The following SLC38A1 variants were observed in gnomAD, a reference collection of about 807,000 sequenced individuals.
SLC38A1 encodes the protein solute carrier family 38 member 1, also known as sodium-coupled neutral amino acid symporter 1.
In SLC38A1, 18 loss-of-function variants were observed where a neutral mutation model predicts 60.3. The observed-to-expected ratio is 0.30, with a 90% CI of 0.21 to 0.44. The LOEUF (loss-of-function observed/expected upper bound fraction) is 0.44, where lower values mean the gene tolerates loss of function less well. Ranked by LOEUF, SLC38A1 falls within the 20% of genes least tolerant of loss-of-function variation. The probability of loss-of-function intolerance (pLI) is 1.00; values close to 1 mark genes in which losing one functional copy is unlikely to be tolerated. For synonymous variants in SLC38A1, 196 were observed against 212.1 expected (o/e 0.92, Z 0.66); for missense variants, 448 against 587.2 (o/e 0.76, Z 2.45).
At chr12:46,202,617 A>G (rs965999374) in intron 12 of SLC38A1, among the ~76,000 whole-genome samples, 1 of 152,244 alleles carries the variant, frequency 6.6e-6, no homozygotes, top group African/African-American at 2.4e-5. Context: ...ACCCACAGGC[A>G]AATCAGAGAC....
intron 1 of SLC38A1, among the ~76,000 whole-genome samples, chr12:46,245,475 G>A (rs1941583762): frequency 6.6e-6 from 1 of 152,218 alleles, no homozygotes; most frequent in African/African-American, 2.4e-5. Flanking sequence ...GTGTTGGCAA[G>A]GGTATGGAGA....
In SLC38A1 at chr12:46,197,947, G is replaced by A; in HGVS notation, c.1236C>T (p.Pro412=). The A allele has an allele frequency of 1.2e-6, 2 of 1,614,040 alleles. No homozygotes were observed. Among genetic ancestry groups the A allele is most frequent in the Non-Finnish European group, 1.7e-6 (2 of 1,179,958 alleles). ...CGACTCCAAAAATATCCTTCATGGA[G>A]GGTATGAAGATCACCAACAAGTTGA... ...VVINLLVIFI[P]SMKDIFGVVG... is the part of the protein sequence containing the mutation. The change falls in exon 15 of 17, where the codon CCC becomes CCT. Residue 412 remains proline (P), a synonymous_variant. Transcript: ENST00000398637.
chr12:46,192,328 G>A (rs955183010), intron 16 of SLC38A1, among the ~76,000 whole-genome samples: 5 of 152,156 alleles, frequency 3.3e-5, no homozygotes, highest in African/African-American at 1.2e-4. Context: ...TGCTGGATTT[G>A]GTTTGCCAGT....
intron 1 of SLC38A1, among the ~76,000 whole-genome samples, chr12:46,264,187 C>G (rs1276101229): frequency 6.6e-6 from 1 of 152,332 alleles, no homozygotes; most frequent in Non-Finnish European, 1.5e-5. Flanking sequence ...TGCTTAATGC[C>G]AGATGACTAT....
intron 14 of SLC38A1, among the ~76,000 whole-genome samples, 179 bp downstream of exon 14, chr12:46,198,446 G>C (rs555057977): frequency 8.3e-4 from 127 of 152,270 alleles, no homozygotes; most frequent in Non-Finnish European, 1.5e-3. Context: ...GCTCCCTGAC[G>C]CACTGAATGC....
At chr12:46,190,727 A>G (rs1171304701) in intron 16 of SLC38A1, among the ~76,000 whole-genome samples, 1 of 152,222 alleles carries the variant, frequency 6.6e-6, no homozygotes, top group Non-Finnish European at 1.5e-5. Flanking sequence ...GACTGCATAA[A>G]TGTCTTCTTT....
intron 5 of SLC38A1, among the ~76,000 whole-genome samples, chr12:46,220,373 T>G (rs916872710): frequency 1.3e-5 from 2 of 152,230 alleles, no homozygotes; most frequent in African/African-American, 4.8e-5. Flanking sequence ...AAATCATTTC[T>G]AAGGAACTGT....
intron 16 of SLC38A1, among the ~76,000 whole-genome samples, chr12:46,191,840 G>T (rs1939158755): frequency 6.6e-6 from 1 of 152,164 alleles, no homozygotes; most frequent in Non-Finnish European, 1.5e-5. Flanking sequence ...TGAGACAATG[G>T]GGTTTTCTAA....
At chr12:46,264,590 G>A (rs753803829) in intron 1 of SLC38A1, among the ~76,000 whole-genome samples, 3 of 151,998 alleles carry the variant, frequency 2.0e-5, no homozygotes, top group Non-Finnish European at 2.9e-5. Flanking sequence ...TTAGGTTATT[G>A]AAGTTAATCT....
At position 46,243,757 on chromosome 12, in the gene SLC38A1, G is replaced by A. The variant is rs555892826; in HGVS notation, c.-208-443C>T. Among the ~76,000 whole-genome samples the A allele has an allele frequency of 1.4e-4, 21 of 149,458 alleles. No individual in the cohort carries two copies. The South Asian group carries it at 1.5e-3, about 11-fold the overall frequency. On this transcript the variant is annotated intron_variant, in intron 1 of 16. Coordinates refer to ENST00000398637, the MANE Select transcript of SLC38A1 (RefSeq NM_030674.4). ...TGAAGATCTTGGTGTTAACACAACC[G>A]TAATTACTATCTGTCAACATTTATA...
At chr12:46,247,633 T>G (rs897611377) in intron 1 of SLC38A1, among the ~76,000 whole-genome samples, 2 of 152,184 alleles carry the variant, frequency 1.3e-5, no homozygotes, top group African/African-American at 2.4e-5. Context: ...TCAGGAGAAC[T>G]TCCACAACCT....
At chr12:46,252,131 A>G (rs1275709970) in intron 1 of SLC38A1, among the ~76,000 whole-genome samples, 2 of 152,242 alleles carry the variant, frequency 1.3e-5, no homozygotes, top group African/African-American at 4.8e-5. Context: ...AATGTGGCAC[A>G]TATACACCAT....
chr12:46,191,598 T>C (rs1939147888), intron 16 of SLC38A1, among the ~76,000 whole-genome samples: 1 of 152,224 alleles, frequency 6.6e-6, no homozygotes, highest in African/African-American at 2.4e-5. Context: ...TTCTGTCCTC[T>C]TTTATTTCGT....
rs1250681601 is a variant in SLC38A1 at position 46,252,226 on chromosome 12, ACT to A, written c.-208-8914_-208-8913del. ...AGCTGGAAACCATCATTCTCAGCAA[ACT>A]CTCACAAGGACAGAAAATCAAACAC... On this transcript the variant is annotated intron_variant, in intron 1 of 16. Coordinates refer to ENST00000398637, the MANE Select transcript of SLC38A1 (RefSeq NM_030674.4). Among the ~76,000 whole-genome samples, 3 of 152,264 alleles carry A rather than the reference ACT, an allele frequency of 2.0e-5. No individual in the cohort carries two copies. The East Asian group carries it at 5.8e-4, about 29-fold the overall frequency.
intron 5 of SLC38A1, among the ~76,000 whole-genome samples, chr12:46,223,998 A>G (rs1332026766): frequency 6.6e-6 from 1 of 152,230 alleles, no homozygotes; most frequent in Non-Finnish European, 1.5e-5. Flanking sequence ...AGAAAATGTA[A>G]CAAAATGTAA....
In SLC38A1 at chr12:46,188,664, A is replaced by G. The variant is rs1357122154; in HGVS notation, c.*306T>C. On this transcript the variant is annotated 3_prime_UTR_variant, in exon 17 of 17. Transcript: ENST00000398637. ...TATATCATGTTTTCAAAGTTCTAAG[A>G]GACCGGGAAGCCACAAAACATAGAG... 1 of 237,012 alleles carries G rather than the reference A, an allele frequency of 4.2e-6. No homozygotes were observed. The highest frequency in any genetic ancestry group is 8.3e-6 in the Non-Finnish European group (1 of 120,554). 14.7% of individuals were successfully genotyped at this position (237,012 alleles called of 1,614,324 possible).
chr12:46,205,643 AG>A (rs1939862409), intron 9 of SLC38A1, among the ~76,000 whole-genome samples: 1 of 152,224 alleles, frequency 6.6e-6, no homozygotes, highest in African/African-American at 2.4e-5. Context: ...GAAATAATTG[AG>A]GCTGGTCAGA....
chr12:46,239,816 G>T lies in SLC38A1; in HGVS notation c.-16C>A. On this transcript the variant is annotated 5_prime_UTR_variant, in exon 3 of 17. Transcript: ENST00000398637. ...AATGCATCATGATTAGAAAGTGTCTGTAGTTTGAAAATTAGTCCAAATTTC... is the reference window on the plus strand; with the variant it reads ...AATGCATCATGATTAGAAAGTGTCTTTAGTTTGAAAATTAGTCCAAATTTC... The T allele has an allele frequency of 6.2e-7, 1 of 1,611,416 alleles. No individual in the cohort carries two copies. Among genetic ancestry groups the T allele is most frequent in the Non-Finnish European group, 8.5e-7 (1 of 1,179,586 alleles).
chr12:46,256,762 G>A (rs1260904763), intron 1 of SLC38A1, among the ~76,000 whole-genome samples: 1 of 152,132 alleles, frequency 6.6e-6, no homozygotes, highest in Non-Finnish European at 1.5e-5. Context: ...ACAGCCCTGG[G>A]GGCCAAGCTG....
Sources: gnomAD v4.1 joint callset for allele counts (sites outside exome capture counted in the v4.1 genomes callset) on GRCh38, gnomAD v4.1.1 for gene constraint, MANE v1.5 for transcripts, NCBI Gene and HGNC (gene_info 2026-07-23, HGNC 2026-07-21) for gene names.